GFRA1: variants seen among roughly 807,000 people sequenced by gnomAD.
GFRA1 encodes GDNF family receptor alpha 1.
GFRA1 carries 16 observed loss-of-function variants against 51.6 expected under a neutral mutation model. The ratio of observed to expected loss-of-function variants is 0.31; its 90% CI spans 0.21 to 0.47. The LOEUF is 0.47. Among genes scored for constraint, GFRA1 ranks in the 20% least tolerant of loss-of-function variants. GFRA1 has a pLI of 1.00. For missense variants in GFRA1, 530 were observed against 594.3 expected (o/e 0.89, Z 1.13); for synonymous variants, 270 against 241.3 (o/e 1.12, Z -1.10).
intron 4 of GFRA1, among the ~76,000 whole-genome samples, chr10:116,214,771 CA>C (rs759232420): frequency 3.9e-5 from 6 of 152,214 alleles, no homozygotes; most frequent in Non-Finnish European, 8.8e-5. Context: ...GCACTTCCTT[CA>C]AAATTCAGTA....
intron 5 of GFRA1, among the ~76,000 whole-genome samples, chr10:116,197,138 A>G (rs1589864082): frequency 6.6e-6 from 1 of 152,032 alleles, no homozygotes; most frequent in East Asian, 1.9e-4. Context: ...GTCTCCCTGA[A>G]GTTCACAGGT....
intron 5 of GFRA1, among the ~76,000 whole-genome samples, chr10:116,153,141 ATTTG>A (rs771201440): frequency 9.9e-5 from 15 of 152,198 alleles, no homozygotes; most frequent in Non-Finnish European, 2.1e-4. Context: ...TAGTTAAGGG[ATTTG>A]TTTAACACTA....
chr10:116,096,753 G>A lies in GFRA1; in HGVS notation c.782C>T (p.Ala261Val), dbSNP rs754562462. ...TGGCTGGCAGTTGGTAAAAAAATCC[G>A]CAAGGCGAGATCTACAATAGGAAAA... ...KTNYICRSRL[A>V]DFFTNCQPES... Residue 261 changes from alanine (A) to valine (V), a missense_variant, in exon 7 of 11, where the codon GCG becomes GTG. Coordinates refer to ENST00000355422, the MANE Select transcript of GFRA1 (RefSeq NM_005264.8). 43 of 1,603,482 alleles carry A rather than the reference G, an allele frequency of 2.7e-5. No homozygotes were observed. The highest frequency in any genetic ancestry group is 1.2e-4 in the African/African-American group (9 of 74,694).
rs1183851224 is a variant in GFRA1 at position 116,061,187 on chromosome 10, G to A, written c.*3211C>T. On this transcript the variant is annotated 3_prime_UTR_variant, in exon 11 of 11. Transcript: ENST00000355422. ...CAGCTCTGGGGGAGCCCTGTCCGGT[G>A]TTTGAGGAACTCGAAGACACAACTT... The A allele has an allele frequency of 6.7e-6, 1 of 149,490 alleles. No homozygotes were observed. Among genetic ancestry groups the A allele is most frequent in the Non-Finnish European group, 1.5e-5 (1 of 67,824 alleles). The allele number at this position is 149,490 out of a possible 1,614,324, so 9.3% of individuals were successfully genotyped here.
intron 4 of GFRA1, among the ~76,000 whole-genome samples, chr10:116,249,578 C>T (rs965801682): frequency 2.6e-5 from 4 of 152,180 alleles, no homozygotes; most frequent in Admixed American, 1.3e-4. Context: ...AGATGTACCT[C>T]GCTGGCAAGA....
intron 9 of GFRA1, among the ~76,000 whole-genome samples, chr10:116,083,713 C>A (rs1219010602): frequency 6.6e-6 from 1 of 152,136 alleles, no homozygotes; most frequent in Non-Finnish European, 1.5e-5. Context: ...GGTTTGCCCC[C>A]ACAAAGAAGA....
rs141906348 is a variant in GFRA1, at chr10:116,080,569, C to T, written c.1197+9172G>A. Among the ~76,000 whole-genome samples the T allele has an allele frequency of 5.5e-3, 842 of 152,358 alleles. 9 individuals carry two copies. Among genetic ancestry groups the T allele is most frequent in the African/African-American group, 0.019 (802 of 41,596 alleles). ...TAAAATTATATTTTAAAACAACCAA[C>T]TCTGATGAGGCGTTGTTGTATAATT... is the stretch of plus-strand genomic sequence containing the variant. On this transcript the variant is annotated intron_variant, in intron 9 of 10. Coordinates refer to ENST00000355422, the MANE Select transcript of GFRA1 (RefSeq NM_005264.8).
Position 116,111,516 on chromosome 10 carries a change from G to A in GFRA1, c.770+13705C>T, listed in dbSNP as rs182525883. On this transcript the variant is annotated intron_variant, in intron 6 of 10. Coordinates refer to ENST00000355422, the MANE Select transcript of GFRA1 (RefSeq NM_005264.8). ...GCTATGAATTCCTGGGCTGCGATGC[G>A]CCCTCTGTGCCCCATATCCGACCTG... Among the ~76,000 whole-genome samples, 335 of 152,236 alleles carry A rather than the reference G, an allele frequency of 2.2e-3. 1 individual carries two copies. The highest frequency in any genetic ancestry group is 4.4e-3 in the African/African-American group (182 of 41,524).
At chr10:116,262,039 A>T (rs1969339780) in intron 4 of GFRA1, among the ~76,000 whole-genome samples, 1 of 152,184 alleles carries the variant, frequency 6.6e-6, no homozygotes, top group Non-Finnish European at 1.5e-5. Flanking sequence ...TGTCCCAGAG[A>T]ACAAAAAACA....
intron 5 of GFRA1, among the ~76,000 whole-genome samples, chr10:116,155,168 T>C (rs1366511510): frequency 6.6e-6 from 1 of 152,216 alleles, no homozygotes; most frequent in Admixed American, 6.5e-5. Flanking sequence ...TTATGTATTA[T>C]AATTCCCATA....
chr10:116,070,088 G>A (rs755129280), intron 9 of GFRA1, among the ~76,000 whole-genome samples: 4 of 152,130 alleles, frequency 2.6e-5, no homozygotes, highest in Non-Finnish European at 5.9e-5. Flanking sequence ...AATAAAACCA[G>A]GGGAAGTTGC....
chr10:116,262,429 G>A (rs1309442007), intron 4 of GFRA1, among the ~76,000 whole-genome samples: 1 of 152,136 alleles, frequency 6.6e-6, no homozygotes, highest in African/African-American at 2.4e-5. Context: ...CAGTGAGACA[G>A]AAAGACATAG....
intron 4 of GFRA1, among the ~76,000 whole-genome samples, chr10:116,241,515 A>G (rs1967378451): frequency 6.6e-6 from 1 of 152,238 alleles, no homozygotes; most frequent in Non-Finnish European, 1.5e-5. Flanking sequence ...TCCAAGTGGT[A>G]GCTCGATGAG....
At chr10:116,249,958 G>A (rs1184242724) in intron 4 of GFRA1, among the ~76,000 whole-genome samples, 3 of 152,292 alleles carry the variant, frequency 2.0e-5, no homozygotes, top group Admixed American at 6.5e-5. Context: ...GATATTTAGC[G>A]AAGTGGTCTC....
chr10:116,168,812 G>A (rs767595338), intron 5 of GFRA1, among the ~76,000 whole-genome samples: 3 of 152,042 alleles, frequency 2.0e-5, no homozygotes, highest in Admixed American at 1.3e-4. Context: ...ACTGTTTCTT[G>A]AAGCCATCCA....
At chr10:116,189,809 C>A (rs890980773) in intron 5 of GFRA1, among the ~76,000 whole-genome samples, 7 of 152,046 alleles carry the variant, frequency 4.6e-5, no homozygotes, top group African/African-American at 1.7e-4. Context: ...TTTCTTTGAA[C>A]CATCGATATA....
At chr10:116,153,205 G>A (rs1273159133) in intron 5 of GFRA1, among the ~76,000 whole-genome samples, 2 of 152,208 alleles carry the variant, frequency 1.3e-5, no homozygotes, top group East Asian at 3.8e-4. Context: ...GGGTTTAGAG[G>A]TTGGACACGA....
chr10:116,165,757 A>T (rs1006004113), intron 5 of GFRA1, among the ~76,000 whole-genome samples: 4 of 152,078 alleles, frequency 2.6e-5, no homozygotes, highest in African/African-American at 7.2e-5. Flanking sequence ...GCTTGAAGGG[A>T]GAGGAAAATA....
chr10:116,092,174 T>A (rs973897259), intron 8 of GFRA1, among the ~76,000 whole-genome samples: 3 of 151,014 alleles, frequency 2.0e-5, no homozygotes, highest in African/African-American at 7.3e-5. Context: ...GTCCAAGTTG[T>A]GATTCCTTGG....
Sources: gnomAD v4.1 joint callset for allele counts (sites outside exome capture counted in the v4.1 genomes callset) on GRCh38, gnomAD v4.1.1 for gene constraint, MANE v1.5 for transcripts, NCBI Gene and HGNC (gene_info 2026-07-23, HGNC 2026-07-21) for gene names.